The following CCDC85B variants were observed in gnomAD, a reference collection of about 807,000 sequenced individuals.
CCDC85B encodes coiled-coil domain containing 85B.
A neutral mutation model predicts 13.6 loss-of-function variants in CCDC85B; 8 were observed. That is an observed-to-expected ratio of 0.59 (90% CI 0.35 to 1.06). CCDC85B has a LOEUF of 1.06. Among genes scored for constraint, CCDC85B ranks in the 50% least tolerant of loss-of-function variants. The pLI is 0.02. For synonymous variants in CCDC85B, 118 were observed against 135.9 expected (o/e 0.87, Z 0.92); for missense variants, 217 against 285.9 (o/e 0.76, Z 1.74).
rs950696632 is a variant in CCDC85B at position 65,891,230 on chromosome 11, C to T, written c.447C>T (p.Gly149=). 6 of 1,509,874 alleles carry T rather than the reference C, an allele frequency of 4.0e-6. No homozygotes were observed. Among genetic ancestry groups the T allele is most frequent in the Non-Finnish European group, 5.3e-6 (6 of 1,132,490 alleles). 93.5% of individuals were successfully genotyped at this position (1,509,874 alleles called of 1,614,324 possible). ...ELCLALGEEW[G]PRGGPSGAGG... ...GCCTGGCGCTGGGCGAAGAATGGGG[C>T]CCCCGCGGCGGCCCCAGCGGCGCCG... The change falls in exon 1 of 1, where the codon GGC becomes GGT. Residue 149 remains glycine (G), a synonymous_variant. Coordinates refer to ENST00000312579, the MANE Select transcript of CCDC85B (RefSeq NM_006848.3). The surrounding 1 kb of genome is among the most constrained non-coding windows in gnomAD (Gnocchi z 7.3).
In CCDC85B at chr11:65,890,758, G is replaced by A; in HGVS notation, c.-26G>A. The A allele has an allele frequency of 1.5e-6, 2 of 1,376,878 alleles. No individual in the cohort carries two copies. The highest frequency in any genetic ancestry group is 1.9e-6 in the Non-Finnish European group (2 of 1,072,974). 85.3% of individuals were successfully genotyped at this position (1,376,878 alleles called of 1,614,324 possible). A position where few individuals can be genotyped will look rare whatever the true frequency, so the allele number is the denominator to read the frequency against. ...GCTCCTGGGCCGCGGCGGCGGGCGG[G>A]CGATGCTCCAGAGGCCTGACCAGCC... On this transcript the variant is annotated 5_prime_UTR_variant, in exon 1 of 1. Transcript: ENST00000312579.
chr11:65,890,856 G>A lies in CCDC85B; in HGVS notation c.73G>A (p.Val25Met), dbSNP rs1487863143. 1 of 1,525,886 alleles carries A rather than the reference G, an allele frequency of 6.6e-7. No individual in the cohort carries two copies. Among genetic ancestry groups the A allele is most frequent in the Non-Finnish European group, 8.7e-7 (1 of 1,143,066 alleles). The allele number at this position is 1,525,886 out of a possible 1,614,324, so 94.5% of individuals were successfully genotyped here. ...GGCGGCGCTAGGCAAGGAAGAGCTA[G>A]TGCGGCGCCTGCGGCGGGAGGAGGC... ...EMAALGKEELVRRLRREEAAR... is the reference protein window; with the variant it reads ...EMAALGKEELMRRLRREEAAR... Residue 25 changes from valine (V) to methionine (M), a missense_variant, in exon 1 of 1, where the codon GTG (valine) becomes ATG (methionine). Coordinates refer to ENST00000312579, the MANE Select transcript of CCDC85B (RefSeq NM_006848.3).
At position 65,891,538 on chromosome 11, in the gene CCDC85B, C is replaced by T. The variant is rs1431477342; in HGVS notation, c.*146C>T. On this transcript the variant is annotated 3_prime_UTR_variant, in exon 1 of 1. Coordinates refer to ENST00000312579, the MANE Select transcript of CCDC85B (RefSeq NM_006848.3). The surrounding 1 kb of genome is among the most constrained non-coding windows in gnomAD (Gnocchi z 7.3). ...AGAAATCCTGACACCAAGAAGGGCC[C>T]CTCGCTCTTGCTGGCAGGGCAGCAG... 3 of 900,134 alleles carry T rather than the reference C, an allele frequency of 3.3e-6. No individual in the cohort carries two copies. The highest frequency in any genetic ancestry group is 2.5e-5 in the South Asian group (1 of 39,824). 55.8% of individuals were successfully genotyped at this position (900,134 alleles called of 1,614,324 possible). A position where few individuals can be genotyped will look rare whatever the true frequency, so the allele number is the denominator to read the frequency against.
chr11:65,891,191 G>A lies in CCDC85B; in HGVS notation c.408G>A (p.Ala136=). The A allele has an allele frequency of 2.6e-6, 4 of 1,525,418 alleles. No homozygotes were observed. The highest frequency in any genetic ancestry group is 3.5e-6 in the Non-Finnish European group (4 of 1,139,320). 94.5% of individuals were successfully genotyped at this position (1,525,418 alleles called of 1,614,324 possible). ...AGGAGCTGCTGCGGGAGAACCTAGCGCTTAAGGAGCTCTGCCTGGCGCTGG... is the reference window on the plus strand; with the variant it reads ...AGGAGCTGCTGCGGGAGAACCTAGCACTTAAGGAGCTCTGCCTGGCGCTGG... ...RQEELLRENL[A]LKELCLALGE... Residue 136 remains alanine (A), a synonymous_variant, in exon 1 of 1, where the codon GCG becomes GCA. Transcript: ENST00000312579. This position sits in a 1 kb window ranked among gnomAD's most constrained non-coding sequence, Gnocchi z 7.3.
rs966643299 is a variant in CCDC85B at position 65,890,683 on chromosome 11, C to A, written c.-101C>A. On this transcript the variant is annotated 5_prime_UTR_variant, in exon 1 of 1. Transcript: ENST00000312579. ...CTACGCTGCCTCGGCCACTGCCTGC[C>A]GCGTGCGGAGCCGGAGCCCGAGCCT... is the stretch of plus-strand genomic sequence containing the variant. 5.2e-5 allele frequency: 66 copies of A among 1,273,348 alleles called. No individual in the cohort carries two copies. Among genetic ancestry groups the A allele is most frequent in the African/African-American group, 6.3e-5 (4 of 63,740 alleles). The allele number at this position is 1,273,348 out of a possible 1,614,324, so 78.9% of individuals were successfully genotyped here. A position where few individuals can be genotyped will look rare whatever the true frequency, so the allele number is the denominator to read the frequency against.
chr11:65,891,080 G>T lies in CCDC85B; in HGVS notation c.297G>T (p.Gln99His). 6.4e-7 allele frequency: 1 copy of T among 1,565,818 alleles called. No homozygotes were observed. The highest frequency in any genetic ancestry group is 8.6e-7 in the Non-Finnish European group (1 of 1,162,638). ...QRGRRAARQW[Q>H]LFGTQASRAV... ...GGCGGCGCGCCGCACGCCAGTGGCA[G>T]CTCTTCGGGACCCAAGCATCCCGGG... The change falls in exon 1 of 1, where the codon CAG becomes CAT. Residue 99 changes from glutamine to histidine, a missense_variant. Transcript: ENST00000312579. The surrounding 1 kb of genome is among the most constrained non-coding windows in gnomAD (Gnocchi z 7.3).
chr11:65,890,938 A>C lies in CCDC85B; in HGVS notation c.155A>C (p.Gln52Pro). The C allele has an allele frequency of 6.5e-7, 1 of 1,529,816 alleles. No homozygotes were observed. The highest frequency in any genetic ancestry group is 8.7e-7 in the Non-Finnish European group (1 of 1,144,914). 94.8% of individuals were successfully genotyped at this position (1,529,816 alleles called of 1,614,324 possible). A position where few individuals can be genotyped will look rare whatever the true frequency, so the allele number is the denominator to read the frequency against. ...CGCCTCATGCAGGAGGTGAATCGGC[A>C]GCTGCAGGGCCACCTGGGCGAGATC... ...RGRLMQEVNR[Q>P]LQGHLGEIRE... The change falls in exon 1 of 1, where the codon CAG becomes CCG. Residue 52 changes from glutamine to proline, a missense_variant. Physicochemically the swap from Gln to Pro is moderately conservative, Grantham distance 76. Transcript: ENST00000312579.
rs946799609 is a variant in CCDC85B, at chr11:65,891,582, C to G, written c.*190C>G. The G allele has an allele frequency of 8.2e-6, 5 of 607,990 alleles. No homozygotes were observed. Among genetic ancestry groups the G allele is most frequent in the Admixed American group, 8.2e-5 (2 of 24,244 alleles). 37.7% of individuals were successfully genotyped at this position (607,990 alleles called of 1,614,324 possible). A position where few individuals can be genotyped will look rare whatever the true frequency, so the allele number is the denominator to read the frequency against. On this transcript the variant is annotated 3_prime_UTR_variant, in exon 1 of 1. Transcript: ENST00000312579. The surrounding 1 kb of genome is among the most constrained non-coding windows in gnomAD (Gnocchi z 7.3). The stretch of plus-strand genomic sequence containing the variant: ...GCAGCAGGGGGACTGAAGGCTGGAG[C>G]GGAGGGACTTGCTGGGGGTTGGATT...
In CCDC85B at chr11:65,890,975, G is replaced by T; in HGVS notation, c.192G>T (p.Lys64Asn). 6.5e-7 allele frequency: 1 copy of T among 1,533,352 alleles called. No individual in the cohort carries two copies. The allele number at this position is 1,533,352 out of a possible 1,614,324, so 95.0% of individuals were successfully genotyped here. A position where few individuals can be genotyped will look rare whatever the true frequency, so the allele number is the denominator to read the frequency against. The change falls in exon 1 of 1, where the codon AAG (lysine) becomes AAT (asparagine). Residue 64 changes from lysine to asparagine, a missense_variant. Transcript: ENST00000312579. ...QGHLGEIREL[K>N]QLNRRLQAEN... ...ACCTGGGCGAGATCCGCGAGCTCAA[G>T]CAGCTCAACCGGCGTCTGCAGGCAG...
rs1157482421 is a variant in CCDC85B at position 65,891,293 on chromosome 11, G to T, written c.510G>T (p.Leu170Phe). The change falls in exon 1 of 1, where the codon TTG becomes TTT. Residue 170 changes from leucine to phenylalanine, a missense_variant. Transcript: ENST00000312579. The surrounding 1 kb of genome is among the most constrained non-coding windows in gnomAD (Gnocchi z 7.3). ...SGAGPAPELA[L>F]PPCGPRDLGD... ...CCGGGCCAGCACCCGAGCTTGCCTTGCCCCCGTGCGGGCCCCGCGACCTAG... is the reference window on the plus strand; with the variant it reads ...CCGGGCCAGCACCCGAGCTTGCCTTTCCCCCGTGCGGGCCCCGCGACCTAG... 1 of 1,574,996 alleles carries T rather than the reference G, an allele frequency of 6.3e-7. No homozygotes were observed. The highest frequency in any genetic ancestry group is 1.2e-5 in the South Asian group (1 of 86,748).
chr11:65,891,250 G>A lies in CCDC85B; in HGVS notation c.467G>A (p.Gly156Asp), dbSNP rs199500126. ...TGGGGCCCCCGCGGCGGCCCCAGCGGCGCCGGGGGATCAGGAGCCGGGCCA... is the reference window on the plus strand; with the variant it reads ...TGGGGCCCCCGCGGCGGCCCCAGCGACGCCGGGGGATCAGGAGCCGGGCCA... ...EEWGPRGGPS[G>D]AGGSGAGPAP... The change falls in exon 1 of 1, where the codon GGC becomes GAC. Residue 156 changes from glycine to aspartate, a missense_variant. Coordinates refer to ENST00000312579, the MANE Select transcript of CCDC85B (RefSeq NM_006848.3). The surrounding 1 kb of genome is among the most constrained non-coding windows in gnomAD (Gnocchi z 7.3). 5.9e-6 allele frequency: 9 copies of A among 1,522,852 alleles called. No homozygotes were observed. Among genetic ancestry groups the A allele is most frequent in the African/African-American group, 1.4e-5 (1 of 70,430 alleles). 94.3% of individuals were successfully genotyped at this position (1,522,852 alleles called of 1,614,324 possible). A position where few individuals can be genotyped will look rare whatever the true frequency, so the allele number is the denominator to read the frequency against.
Position 65,891,435 on chromosome 11 carries a change from C to A in CCDC85B, c.*43C>A. ...CGCCGACGCCCGCCCGGATTGCTCC[C>A]CGAGCCCCGGGACCGCTGTGGACCT... On this transcript the variant is annotated 3_prime_UTR_variant, in exon 1 of 1. Coordinates refer to ENST00000312579, the MANE Select transcript of CCDC85B (RefSeq NM_006848.3). This position sits in a 1 kb window ranked among gnomAD's most constrained non-coding sequence, Gnocchi z 7.3. 6.6e-7 allele frequency: 1 copy of A among 1,516,620 alleles called. No homozygotes were observed. Among genetic ancestry groups the A allele is most frequent in the Non-Finnish European group, 8.8e-7 (1 of 1,135,138 alleles). 93.9% of individuals were successfully genotyped at this position (1,516,620 alleles called of 1,614,324 possible). A position where few individuals can be genotyped will look rare whatever the true frequency, so the allele number is the denominator to read the frequency against.
rs1467009068 is a variant in CCDC85B at position 65,890,983 on chromosome 11, A to T, written c.200A>T (p.Asn67Ile). 1 of 1,534,200 alleles carries T rather than the reference A, an allele frequency of 6.5e-7. No individual in the cohort carries two copies. Among genetic ancestry groups the T allele is most frequent in the African/African-American group, 1.4e-5 (1 of 72,080 alleles). The change falls in exon 1 of 1, where the codon AAC becomes ATC. Residue 67 changes from asparagine to isoleucine, a missense_variant. Asn to Ile is a moderately radical substitution (Grantham distance 149, BLOSUM62 -3). Transcript: ENST00000312579. ...LGEIRELKQL[N>I]RRLQAENREL... ...GAGATCCGCGAGCTCAAGCAGCTCA[A>T]CCGGCGTCTGCAGGCAGAGAACCGT...
chr11:65,890,738 T>G lies in CCDC85B; in HGVS notation c.-46T>G, dbSNP rs1860371348. The G allele has an allele frequency of 7.3e-7, 1 of 1,369,338 alleles. No homozygotes were observed. The highest frequency in any genetic ancestry group is 1.5e-5 in the African/African-American group (1 of 64,916). 84.8% of individuals were successfully genotyped at this position (1,369,338 alleles called of 1,614,324 possible). A position where few individuals can be genotyped will look rare whatever the true frequency, so the allele number is the denominator to read the frequency against. On this transcript the variant is annotated 5_prime_UTR_variant, in exon 1 of 1. Transcript: ENST00000312579. ...GGCGCCGGGCCCGACGTGGGGCTCC[T>G]GGGCCGCGGCGGCGGGCGGGCGATG... is the stretch of plus-strand genomic sequence containing the variant.
Position 65,891,060 on chromosome 11 carries a change from C to A in CCDC85B, c.277C>A (p.Arg93Ser). The A allele has an allele frequency of 6.5e-7, 1 of 1,544,066 alleles. No individual in the cohort carries two copies. Among genetic ancestry groups the A allele is most frequent in the South Asian group, 1.2e-5 (1 of 83,538 alleles). Residue 93 changes from arginine (R) to serine (S), a missense_variant, in exon 1 of 1, where the codon CGC becomes AGC. Physicochemically the swap from Arg to Ser is moderately radical, Grantham distance 110. Transcript: ENST00000312579. The surrounding 1 kb of genome is among the most constrained non-coding windows in gnomAD (Gnocchi z 7.3). ...FLDSERQRGR[R>S]AARQWQLFGT... ...GGACTCGGAGCGCCAGCGCGGGCGG[C>A]GCGCCGCACGCCAGTGGCAGCTCTT...
In CCDC85B at chr11:65,891,533, G is replaced by C; in HGVS notation, c.*141G>C. The C allele has an allele frequency of 1.1e-6, 1 of 933,128 alleles. No individual in the cohort carries two copies. Among genetic ancestry groups the C allele is most frequent in the South Asian group, 2.4e-5 (1 of 41,478 alleles). 57.8% of individuals were successfully genotyped at this position (933,128 alleles called of 1,614,324 possible). The stretch of plus-strand genomic sequence containing the variant: ...GACTAAGAAATCCTGACACCAAGAA[G>C]GGCCCCTCGCTCTTGCTGGCAGGGC... On this transcript the variant is annotated 3_prime_UTR_variant, in exon 1 of 1. Coordinates refer to ENST00000312579, the MANE Select transcript of CCDC85B (RefSeq NM_006848.3). This position sits in a 1 kb window ranked among gnomAD's most constrained non-coding sequence, Gnocchi z 7.3.
At position 65,890,910 on chromosome 11, in the gene CCDC85B, G is replaced by T; in HGVS notation, c.127G>T (p.Gly43Cys). Residue 43 changes from glycine to cysteine, a missense_variant, in exon 1 of 1, where the codon GGC becomes TGC. By Grantham distance (159) the Gly-to-Cys change is radical. Transcript: ENST00000312579. ...GCGCCTGGCGGCACTGGTGCAGCGC[G>T]GCCGCCTCATGCAGGAGGTGAATCG... ...AARLAALVQR[G>C]RLMQEVNRQL... 1 of 1,529,540 alleles carries T rather than the reference G, an allele frequency of 6.5e-7. No individual in the cohort carries two copies. The highest frequency in any genetic ancestry group is 8.7e-7 in the Non-Finnish European group (1 of 1,144,562). 94.7% of individuals were successfully genotyped at this position (1,529,540 alleles called of 1,614,324 possible).
Position 65,891,549 on chromosome 11 carries a change from C to A in CCDC85B, c.*157C>A. On this transcript the variant is annotated 3_prime_UTR_variant, in exon 1 of 1. Transcript: ENST00000312579. The surrounding 1 kb of genome is among the most constrained non-coding windows in gnomAD (Gnocchi z 7.3). ...CACCAAGAAGGGCCCCTCGCTCTTGCTGGCAGGGCAGCAGGGGGACTGAAG... is the reference window on the plus strand; with the variant it reads ...CACCAAGAAGGGCCCCTCGCTCTTGATGGCAGGGCAGCAGGGGGACTGAAG... 2.4e-6 allele frequency: 2 copies of A among 816,854 alleles called. No individual in the cohort carries two copies. The highest frequency in any genetic ancestry group is 3.5e-6 in the Non-Finnish European group (2 of 565,800). 50.6% of individuals were successfully genotyped at this position (816,854 alleles called of 1,614,324 possible).
In CCDC85B at chr11:65,891,042, G is replaced by GAGCGCC; in HGVS notation, c.265_270dup (p.Gln89_Arg90dup). 6.5e-7 allele frequency: 1 copy of GAGCGCC among 1,543,042 alleles called. No homozygotes were observed. Among genetic ancestry groups the GAGCGCC allele is most frequent in the South Asian group, 1.2e-5 (1 of 83,860 alleles). On this transcript the variant is annotated inframe_insertion, in exon 1 of 1. Coordinates refer to ENST00000312579, the MANE Select transcript of CCDC85B (RefSeq NM_006848.3). This position sits in a 1 kb window ranked among gnomAD's most constrained non-coding sequence, Gnocchi z 7.3. Reference sequence around the variant, plus strand: ...CGACCTCTGCTGCTTCCTGGACTCGGAGCGCCAGCGCGGGCGGCGCGCCGC... The same window carrying GAGCGCC: ...CGACCTCTGCTGCTTCCTGGACTCGGAGCGCCAGCGCCAGCGCGGGCGGCGCGCCGC...
Sources: allele counts gnomAD v4.1 joint callset, GRCh38; gene constraint gnomAD v4.1.1; non-coding constraint Gnocchi (gnomAD v3.1); transcripts MANE v1.5; gene names NCBI Gene and HGNC (gene_info 2026-07-23, HGNC 2026-07-21).